The following MAF variants were observed in gnomAD, a reference collection of about 807,000 sequenced individuals.
MAF encodes the protein transcription factor Maf.
In MAF, 10 loss-of-function variants were observed where a neutral mutation model predicts 22.0. The ratio of observed to expected loss-of-function variants is 0.45; its 90% confidence interval spans 0.28 to 0.77. The LOEUF is 0.77. Ranked by LOEUF, MAF falls within the 30% of genes least tolerant of loss-of-function variation. The probability of loss-of-function intolerance (pLI) is 0.12; values close to 1 mark genes in which losing one functional copy is unlikely to be tolerated. For synonymous variants in MAF, 337 were observed against 255.8 expected (o/e 1.32, Z -3.03); for missense variants, 544 against 548.4 (o/e 0.99, Z 0.08).
the MAF span, among the ~76,000 whole-genome samples, chr16:79,225,560 A>G: frequency 7.9e-5 from 12 of 152,246 alleles, no homozygotes; most frequent in Non-Finnish European, 1.6e-4. Context: ...TCTTCACAGC[A>G]AAAGAAACTA....
the MAF span, among the ~76,000 whole-genome samples, chr16:79,552,847 C>T: frequency 6.6e-6 from 1 of 152,294 alleles, no homozygotes; most frequent in Admixed American, 6.5e-5. Flanking sequence ...TAAATGTTGA[C>T]ACATGAGAGA....
the MAF span, among the ~76,000 whole-genome samples, chr16:79,431,656 A>G: frequency 2.6e-5 from 4 of 152,140 alleles, no homozygotes; most frequent in African/African-American, 9.7e-5. Flanking sequence ...TTCCCTGACG[A>G]ATGCTAACCT....
At chr16:79,382,085 C>A in the MAF span, among the ~76,000 whole-genome samples, 1 of 152,158 alleles carries the variant, frequency 6.6e-6, no homozygotes, top group Non-Finnish European at 1.5e-5. Context: ...TACAGGGGAG[C>A]TTTCAACTTA....
At chr16:79,521,929 A>G in the MAF span, among the ~76,000 whole-genome samples, 2 of 152,232 alleles carry the variant, frequency 1.3e-5, no homozygotes, top group African/African-American at 4.8e-5. Context: ...GGAAATAAAG[A>G]TAAATAATAT....
At chr16:79,440,899 T>A in the MAF span, among the ~76,000 whole-genome samples, 1 of 152,244 alleles carries the variant, frequency 6.6e-6, no homozygotes, top group Admixed American at 6.5e-5. Context: ...AGGAAAAAGC[T>A]GTGCACACTT....
chr16:79,382,338 T>A, the MAF span, among the ~76,000 whole-genome samples: 1 of 152,202 alleles, frequency 6.6e-6, no homozygotes, highest in African/African-American at 2.4e-5. Flanking sequence ...TAATGGAGAA[T>A]GCATATGCAT....
the MAF span, among the ~76,000 whole-genome samples, chr16:79,340,222 G>C: frequency 6.6e-6 from 1 of 152,038 alleles, no homozygotes; most frequent in African/African-American, 2.4e-5. Context: ...GTGTTAAGCA[G>C]AGATAACAGG....
the MAF span, among the ~76,000 whole-genome samples, chr16:79,342,024 C>G: frequency 6.6e-6 from 1 of 152,206 alleles, no homozygotes; most frequent in Non-Finnish European, 1.5e-5. Flanking sequence ...GATTAAGCAC[C>G]TACACACTGA....
At chr16:79,591,434 G>C (rs1294597169), downstream of MAF, among the ~76,000 whole-genome samples, 1 of 152,168 alleles carries the variant, frequency 6.6e-6, no homozygotes, top group Non-Finnish European at 1.5e-5. Context: ...CATCTCTGTA[G>C]AAGAGAGGAA....
chr16:79,458,463 C>G, the MAF span, among the ~76,000 whole-genome samples: 37 of 152,214 alleles, frequency 2.4e-4, 1 homozygote, highest in South Asian at 7.3e-3. Context: ...GATTATTTAA[C>G]AGCATAGGAA....
At chr16:79,515,658 C>A in the MAF span, among the ~76,000 whole-genome samples, 1 of 152,154 alleles carries the variant, frequency 6.6e-6, no homozygotes, top group East Asian at 1.9e-4. Flanking sequence ...TCTGTATTTA[C>A]AACTCTCCTC....
the MAF span, among the ~76,000 whole-genome samples, chr16:79,236,291 A>T: frequency 6.6e-6 from 1 of 151,960 alleles, no homozygotes; most frequent in Non-Finnish European, 1.5e-5. Context: ...CAACAGCGGG[A>T]CACAGTCTGT....
chr16:79,344,615 T>C, the MAF span, among the ~76,000 whole-genome samples: 1 of 152,212 alleles, frequency 6.6e-6, no homozygotes, highest in Non-Finnish European at 1.5e-5. Flanking sequence ...AAACTGTCTA[T>C]ATAATAAGTA....
At chr16:79,213,637 G>C in the MAF span, among the ~76,000 whole-genome samples, 3 of 152,164 alleles carry the variant, frequency 2.0e-5, no homozygotes, top group Non-Finnish European at 2.9e-5. Flanking sequence ...TCCTGGGCTA[G>C]CCTGCTGGAT....
chr16:79,338,748 T>C, the MAF span, among the ~76,000 whole-genome samples: 109 of 152,288 alleles, frequency 7.2e-4, no homozygotes, highest in African/African-American at 2.6e-3. Context: ...ACTTGGCTCC[T>C]TGCTAAGGAC....
At chr16:79,388,580 C>A in the MAF span, among the ~76,000 whole-genome samples, 1 of 152,202 alleles carries the variant, frequency 6.6e-6, no homozygotes, top group Admixed American at 6.5e-5. Flanking sequence ...AGTGCTCTCT[C>A]TCTATCTATA....
chr16:79,244,641 C>T, the MAF span, among the ~76,000 whole-genome samples: 3 of 152,040 alleles, frequency 2.0e-5, no homozygotes, highest in East Asian at 3.9e-4. Flanking sequence ...GGCCATAGTG[C>T]CAAAAGTAAT....
the MAF span, among the ~76,000 whole-genome samples, chr16:79,420,272 T>C: frequency 3.3e-5 from 5 of 152,318 alleles, no homozygotes; most frequent in South Asian, 1.0e-3. Context: ...TGTCACGTTA[T>C]ATGTGATTTT....
chr16:79,296,299 A>G, the MAF span, among the ~76,000 whole-genome samples: 1 of 152,202 alleles, frequency 6.6e-6, no homozygotes, highest in Non-Finnish European at 1.5e-5. Flanking sequence ...TAATCTTTTT[A>G]AAAAATCAGC....
Sources: allele counts gnomAD v4.1 joint callset (sites outside exome capture counted in the v4.1 genomes callset), GRCh38; gene constraint gnomAD v4.1.1; transcripts MANE v1.5; gene names NCBI Gene and HGNC (gene_info 2026-07-23, HGNC 2026-07-21).